Variants in STAC observed in about 807,000 individuals in gnomAD.
The protein encoded by STAC is SH3 and cysteine rich domain, also known as SH3 and cysteine-rich domain-containing protein.
STAC carries 43 observed loss-of-function variants against 48.8 expected under a neutral mutation model. The ratio of observed to expected loss-of-function variants is 0.88; its 90% CI spans 0.69 to 1.14. STAC has a LOEUF of 1.14. Among genes scored for constraint, STAC ranks in the 50% most tolerant of loss-of-function variants. The probability of loss-of-function intolerance (pLI) is 0.00; values close to 1 mark genes in which losing one functional copy is unlikely to be tolerated. For missense variants in STAC, 497 were observed against 504.0 expected, an observed-to-expected ratio of 0.99 and a Z score of 0.13; for synonymous variants, 193 against 179.5, an observed-to-expected ratio of 1.07 and a Z score of -0.60.
intron 5 of STAC, among the ~76,000 whole-genome samples, chr3:36,491,937 C>T (rs1697977513): frequency 7.5e-6 from 1 of 134,204 alleles, no homozygotes; most frequent in African/African-American, 2.9e-5. Context: ...TCGCTTGAAC[C>T]CAGGAAATGG....
chr3:36,432,381 A>C (rs902851160), intron 1 of STAC, among the ~76,000 whole-genome samples: 8 of 152,180 alleles, frequency 5.3e-5, no homozygotes, highest in African/African-American at 1.7e-4. Context: ...AGGCTCCTCT[A>C]TCTCTGCACA....
Position 36,390,728 on chromosome 3 carries a change from G to A in STAC, c.111+9974G>A, listed in dbSNP as rs80111560. The stretch of plus-strand genomic sequence containing the variant: ...GTTTCAGAAAATGAATTGGGAACAT[G>A]TCCATGAATGTTTTTATTTTGTTTT... On this transcript the variant is annotated intron_variant, in intron 1 of 10. Transcript: ENST00000273183. 3.0e-3 allele frequency among the ~76,000 whole-genome samples: 449 copies of A among 152,048 alleles called. 4 individuals are homozygous for A. The highest frequency in any genetic ancestry group is 9.6e-3 in the African/African-American group (400 of 41,504).
chr3:36,401,632 G>A (rs779373298), intron 1 of STAC, among the ~76,000 whole-genome samples: 68 of 152,320 alleles, frequency 4.5e-4, no homozygotes, highest in Admixed American at 3.8e-3. Flanking sequence ...CTACTAGCAA[G>A]ACAGAAATAT....
intron 10 of STAC, among the ~76,000 whole-genome samples, chr3:36,530,983 T>TA (rs35149414): frequency 2.6e-5 from 4 of 152,110 alleles, no homozygotes; most frequent in Non-Finnish European, 4.4e-5. Flanking sequence ...ACAGCTTTTT[T>TA]AAAAAAATGT....
At chr3:36,537,518 AACAACACACACT>A (rs1277221424) in intron 10 of STAC, among the ~76,000 whole-genome samples, 2 of 152,098 alleles carry the variant, frequency 1.3e-5, no homozygotes, top group African/African-American at 4.8e-5. Flanking sequence ...ACAGGGAGGG[AACAACACACACT>A]AGGGCCTGTT....
intron 8 of STAC, among the ~76,000 whole-genome samples, chr3:36,524,250 C>T (rs1309966129): frequency 6.6e-6 from 1 of 152,018 alleles, no homozygotes; most frequent in Non-Finnish European, 1.5e-5. Flanking sequence ...GGGAACTGAC[C>T]AGCCTCCAGC....
chr3:36,380,767 C>T lies in STAC; in HGVS notation c.111+13C>T, dbSNP rs1479632018. Reference sequence around the variant, plus strand: ...CCAGGAATCCAAGGTACCGAGCACGCTTGCCCCCAAGAGAACACAAACTCA... The same window carrying T: ...CCAGGAATCCAAGGTACCGAGCACGTTTGCCCCCAAGAGAACACAAACTCA... On this transcript the variant is annotated intron_variant, in intron 1 of 10. Transcript: ENST00000273183. 2 of 1,597,676 alleles carry T rather than the reference C, an allele frequency of 1.3e-6. No homozygotes were observed. Among genetic ancestry groups the T allele is most frequent in the Non-Finnish European group, 8.6e-7 (1 of 1,169,034 alleles).
intron 1 of STAC, among the ~76,000 whole-genome samples, chr3:36,400,378 T>C (rs911544259): frequency 2.0e-5 from 3 of 152,226 alleles, no homozygotes; most frequent in African/African-American, 7.2e-5. Flanking sequence ...ACTGAAAATA[T>C]AATGTAAAGG....
chr3:36,410,558 G>A (rs1164500981), intron 1 of STAC, among the ~76,000 whole-genome samples: 2 of 152,152 alleles, frequency 1.3e-5, no homozygotes, highest in African/African-American at 2.4e-5. Context: ...TCAGGTTGCC[G>A]TGCTACATGC....
At chr3:36,513,698 C>T (rs540839593) in intron 8 of STAC, among the ~76,000 whole-genome samples, 27 of 152,224 alleles carry the variant, frequency 1.8e-4, no homozygotes, top group Admixed American at 9.8e-4. Flanking sequence ...CTGCCCTTAC[C>T]GCCCTTAGAT....
intron 1 of STAC, among the ~76,000 whole-genome samples, chr3:36,384,690 TAA>T (rs1182137628): frequency 6.6e-6 from 1 of 152,098 alleles, no homozygotes; most frequent in East Asian, 1.9e-4. Flanking sequence ...CCCAAGAAGA[TAA>T]GACATAGACT....
At chr3:36,434,100 T>G (rs558303418) in intron 1 of STAC, among the ~76,000 whole-genome samples, 1 of 152,304 alleles carries the variant, frequency 6.6e-6, no homozygotes, top group East Asian at 1.9e-4. Flanking sequence ...TGAGTTCACA[T>G]GTAAAATGTT....
intron 8 of STAC, among the ~76,000 whole-genome samples, chr3:36,510,603 T>A (rs145535703): frequency 6.6e-6 from 1 of 152,234 alleles, no homozygotes; most frequent in African/African-American, 2.4e-5. Context: ...GTTGCACATA[T>A]ACACCATGGA....
At chr3:36,529,966 A>G (rs1699025810) in intron 10 of STAC, among the ~76,000 whole-genome samples, 1 of 152,118 alleles carries the variant, frequency 6.6e-6, no homozygotes, top group African/African-American at 2.4e-5. Flanking sequence ...CTAAAAATAC[A>G]AAAATTAGCT....
At chr3:36,528,621 T>A (rs1485716743) in intron 8 of STAC, 75 bp from the exon 9 acceptor site, 1 of 1,183,780 alleles carries the variant, frequency 8.4e-7, no homozygotes, top group Non-Finnish European at 1.2e-6. Flanking sequence ...AAATGAGAAA[T>A]GATTACTCCT....
intron 1 of STAC, among the ~76,000 whole-genome samples, chr3:36,414,232 G>A (rs990981811): frequency 2.0e-5 from 3 of 152,034 alleles, no homozygotes; most frequent in African/African-American, 4.8e-5. Context: ...GCCTTGCTAG[G>A]TTGGGGAAGT....
At chr3:36,522,130 C>A (rs1401634839) in intron 8 of STAC, among the ~76,000 whole-genome samples, 2 of 151,988 alleles carry the variant, frequency 1.3e-5, no homozygotes, top group African/African-American at 4.8e-5. Flanking sequence ...GTAAATATAG[C>A]TCACAATAAT....
intron 2 of STAC, among the ~76,000 whole-genome samples, chr3:36,473,965 C>T (rs1173341227): frequency 6.6e-6 from 1 of 152,206 alleles, no homozygotes; most frequent in African/African-American, 2.4e-5. Context: ...CATACACTTA[C>T]ATTGGCTACT....
At chr3:36,398,376 G>GAA (rs375266534) in intron 1 of STAC, among the ~76,000 whole-genome samples, 13 of 135,908 alleles carry the variant, frequency 9.6e-5, no homozygotes, top group African/African-American at 3.5e-4. Context: ...AGAAAAGAAA[G>GAA]AGAGAAAGAA....
Sources: gnomAD v4.1 joint callset for allele counts (sites outside exome capture counted in the v4.1 genomes callset) on GRCh38, gnomAD v4.1.1 for gene constraint, MANE v1.5 for transcripts, NCBI Gene and HGNC (gene_info 2026-07-23, HGNC 2026-07-21) for gene names.